The following ANKS1B variants were observed in gnomAD, a reference collection of about 807,000 sequenced individuals.
ANKS1B encodes the protein ankyrin repeat and sterile alpha motif domain containing 1B.
In ANKS1B, 36 loss-of-function variants were observed where a neutral mutation model predicts 148.3. The observed-to-expected ratio is 0.24, with a 90% CI of 0.19 to 0.32. The LOEUF is 0.32. Among genes scored for constraint, ANKS1B ranks in the 10% least tolerant of loss-of-function variants. ANKS1B has a pLI of 1.00. For synonymous variants in ANKS1B, 542 were observed against 560.8 expected, an observed-to-expected ratio of 0.97 and a Z score of 0.47; for missense variants, 1,157 against 1,542.6, an observed-to-expected ratio of 0.75 and a Z score of 4.19.
chr12:99,382,340 A>C (rs896204436), intron 12 of ANKS1B, among the ~76,000 whole-genome samples: 6 of 152,172 alleles, frequency 3.9e-5, no homozygotes, highest in Non-Finnish European at 8.8e-5. Flanking sequence ...GAACAAACTT[A>C]GCCAAATGGA....
At chr12:99,743,957 T>C (rs1376324937) in intron 8 of ANKS1B, among the ~76,000 whole-genome samples, 3 of 152,202 alleles carry the variant, frequency 2.0e-5, no homozygotes, top group African/African-American at 7.2e-5. Flanking sequence ...TGAGAAAAAT[T>C]AATGCCTAAA....
chr12:99,943,415 G>A (rs1247219907), intron 1 of ANKS1B, among the ~76,000 whole-genome samples: 2 of 152,134 alleles, frequency 1.3e-5, no homozygotes, highest in Non-Finnish European at 1.5e-5. Context: ...TTAGCTGTCT[G>A]TATTAGTCAG....
At chr12:99,276,985 C>T (rs561251722) in intron 12 of ANKS1B, among the ~76,000 whole-genome samples, 6 of 152,158 alleles carry the variant, frequency 3.9e-5, no homozygotes, top group South Asian at 2.1e-4. Context: ...ACCTAACTTA[C>T]GTCTACATTC....
chr12:99,922,025 G>T (rs1197776662), intron 1 of ANKS1B, among the ~76,000 whole-genome samples: 1 of 152,090 alleles, frequency 6.6e-6, no homozygotes, highest in East Asian at 1.9e-4. Flanking sequence ...TGCCACTTAG[G>T]TGCTGTGTGA....
chr12:99,418,023 A>T (rs1233811860), intron 11 of ANKS1B, among the ~76,000 whole-genome samples: 1 of 152,232 alleles, frequency 6.6e-6, no homozygotes, highest in Non-Finnish European at 1.5e-5. Context: ...TAACTTTCCC[A>T]AACAAAAGCT....
intron 17 of ANKS1B, among the ~76,000 whole-genome samples, chr12:98,842,465 T>C (rs2099412414): frequency 1.3e-5 from 2 of 152,324 alleles, no homozygotes; most frequent in South Asian, 4.1e-4. Context: ...AGGAACTTTT[T>C]AGGGTTATGG....
intron 9 of ANKS1B, among the ~76,000 whole-genome samples, chr12:99,629,141 C>T (rs1289109381): frequency 1.3e-5 from 2 of 152,050 alleles, no homozygotes; most frequent in Non-Finnish European, 2.9e-5. Context: ...ATATAGCACT[C>T]AAAACCCAAA....
intron 12 of ANKS1B, among the ~76,000 whole-genome samples, chr12:99,371,042 G>A (rs1034397296): frequency 1.3e-5 from 2 of 151,878 alleles, no homozygotes; most frequent in African/African-American, 2.4e-5. Context: ...TTCTTGCTAG[G>A]CTCCCTCAAA....
chr12:98,978,816 T>C (rs1597926235), intron 17 of ANKS1B, among the ~76,000 whole-genome samples: 2 of 152,258 alleles, frequency 1.3e-5, no homozygotes, highest in Middle Eastern at 6.8e-3. Flanking sequence ...AATAACATAT[T>C]TTTGCTTTAA....
chr12:99,914,781 G>A (rs2094119131), intron 1 of ANKS1B, among the ~76,000 whole-genome samples: 1 of 152,076 alleles, frequency 6.6e-6, no homozygotes, highest in South Asian at 2.1e-4. Flanking sequence ...TGGGCCGGCA[G>A]AATCCACCCT....
chr12:99,504,354 G>C (rs1048279382), intron 10 of ANKS1B, 122 bp downstream of exon 10: 19 of 979,496 alleles, frequency 1.9e-5, no homozygotes, highest in Non-Finnish European at 2.8e-5. Flanking sequence ...AATAATTATT[G>C]GAACTACATT....
chr12:99,001,899 G>A (rs1598298883), intron 17 of ANKS1B, among the ~76,000 whole-genome samples: 1 of 152,250 alleles, frequency 6.6e-6, no homozygotes, highest in East Asian at 1.9e-4. Flanking sequence ...GAATCAGACA[G>A]TATTTATCTT....
At chr12:99,010,054 C>G (rs2099938417) in intron 17 of ANKS1B, among the ~76,000 whole-genome samples, 1 of 152,020 alleles carries the variant, frequency 6.6e-6, no homozygotes, top group Non-Finnish European at 1.5e-5. Flanking sequence ...GGGAGGATCT[C>G]AAAAGTGATC....
chr12:99,576,897 A>C (rs76439845), intron 9 of ANKS1B, among the ~76,000 whole-genome samples: 1 of 151,446 alleles, frequency 6.6e-6, no homozygotes, highest in Admixed American at 6.6e-5. Flanking sequence ...TAGTTTTTCA[A>C]CTCTCACTCC....
intron 9 of ANKS1B, among the ~76,000 whole-genome samples, chr12:99,550,661 AATTTTT>A (rs897478120): frequency 1.3e-5 from 2 of 152,020 alleles, no homozygotes; most frequent in Non-Finnish European, 2.9e-5. Context: ...GTTATGTAGA[AATTTTT>A]ATTTTTAACA....
Position 99,189,242 on chromosome 12 carries a change from G to A in ANKS1B, c.2420-34847C>T, listed in dbSNP as rs547361676. On this transcript the variant is annotated intron_variant, in intron 14 of 26. Transcript: ENST00000683438. ...AAAAAGTCCAGGACCAAACGGATTC[G>A]CAGCCGAATTCTACCAGTGGTGCAA... Among the ~76,000 whole-genome samples the A allele has an allele frequency of 9.2e-5, 14 of 152,098 alleles. No homozygotes were observed. The South Asian group carries it at 1.9e-3, about 20-fold the overall frequency.
intron 12 of ANKS1B, among the ~76,000 whole-genome samples, chr12:99,257,859 A>C (rs1818381805): frequency 6.6e-6 from 1 of 152,138 alleles, no homozygotes; most frequent in African/African-American, 2.4e-5. Flanking sequence ...TGAGCCAGGG[A>C]ACAGTGTCCC....
At chr12:99,468,380 C>A (rs983642534) in intron 10 of ANKS1B, among the ~76,000 whole-genome samples, 1 of 152,140 alleles carries the variant, frequency 6.6e-6, no homozygotes, top group Admixed American at 6.6e-5. Flanking sequence ...TAGGCATGGG[C>A]AAGGACTTCA....
chr12:98,745,686 C>T lies in ANKS1B; in HGVS notation c.*53G>A, dbSNP rs1459877742. ...ACGCGGAGGCGCGAAGGAAAGCCTG[C>T]TCCGGGACCGCTTGGCGAGCAAGGC... On this transcript the variant is annotated 3_prime_UTR_variant, in exon 27 of 27. Coordinates refer to ENST00000683438, the MANE Select transcript of ANKS1B (RefSeq NM_001352186.2). The T allele has an allele frequency of 6.2e-7, 1 of 1,601,746 alleles. No individual in the cohort carries two copies. Among genetic ancestry groups the T allele is most frequent in the Non-Finnish European group, 8.5e-7 (1 of 1,173,642 alleles).
Sources: allele counts gnomAD v4.1 joint callset (sites outside exome capture counted in the v4.1 genomes callset), GRCh38; gene constraint gnomAD v4.1.1; transcripts MANE v1.5; gene names NCBI Gene and HGNC (gene_info 2026-07-23, HGNC 2026-07-21).